ARID4B: variants seen among roughly 807,000 people sequenced by gnomAD.
The protein encoded by ARID4B is AT-rich interactive domain-containing protein 4B.
In ARID4B, 26 loss-of-function variants were observed where a neutral mutation model predicts 147.5. The ratio of observed to expected loss-of-function variants is 0.18; its 90% CI spans 0.13 to 0.24. ARID4B has a LOEUF of 0.24. Among genes scored for constraint, ARID4B ranks in the 10% least tolerant of loss-of-function variants. The pLI, the probability that ARID4B is intolerant of heterozygous loss-of-function variation, is 1.00. For synonymous variants in ARID4B, 512 were observed against 507.9 expected (o/e 1.01, Z -0.11); for missense variants, 1,179 against 1,511.5 (o/e 0.78, Z 3.65).
chr1:235,306,950 G>C (rs1037167251), intron 2 of ARID4B, among the ~76,000 whole-genome samples: 7 of 152,112 alleles, frequency 4.6e-5, no homozygotes, highest in Non-Finnish European at 7.3e-5. Flanking sequence ...ATTAGACACT[G>C]TACCATGCCA....
In ARID4B at chr1:235,194,054, A is replaced by C. The variant is rs1011304300; in HGVS notation, c.2084T>G (p.Ile695Ser). 1 of 1,612,314 alleles carries C rather than the reference A, an allele frequency of 6.2e-7. No homozygotes were observed. Among genetic ancestry groups the C allele is most frequent in the Non-Finnish European group, 8.5e-7 (1 of 1,178,430 alleles). Residue 695 changes from isoleucine to serine, a missense_variant, in exon 19 of 24, where the codon ATT becomes AGT. Physicochemically the swap from Ile to Ser is moderately radical, Grantham distance 142. This residue lies in a region of ARID4B where 321 missense variants were observed against 342.4 expected (regional missense o/e 0.94). Transcript: ENST00000264183. ...TDAKNSDTAH[I>S]KSIEITSILN... ...GATCGAAGTAATTTCTATGGACTTA[A>C]TATGAGCAGTATCAGAGTTTTTGGC...
intron 3 of ARID4B, among the ~76,000 whole-genome samples, chr1:235,258,460 T>A (rs1272360393): frequency 6.6e-6 from 1 of 152,144 alleles, no homozygotes; most frequent in African/African-American, 2.4e-5. Flanking sequence ...GTGCTCTATA[T>A]CATTACAGAA....
intron 2 of ARID4B, among the ~76,000 whole-genome samples, chr1:235,324,451 A>G (rs1349270711): frequency 6.6e-6 from 1 of 152,212 alleles, no homozygotes; most frequent in East Asian, 1.9e-4. Context: ...ACTTTAAAAC[A>G]ACACCTAAAA....
At chr1:235,187,092 T>TC (rs1664742628) in intron 19 of ARID4B, 1 of 392,894 alleles carries the variant, frequency 2.5e-6, no homozygotes, top group African/African-American at 2.2e-5. Context: ...TTTTTTTTTT[T>TC]TTTTTGTAGA....
chr1:235,215,547 A>ATGTGTGTGTGTGTGTGTGTG (rs370429662), intron 16 of ARID4B, among the ~76,000 whole-genome samples: 32 of 136,492 alleles, frequency 2.3e-4, no homozygotes, highest in South Asian at 5.1e-4. Flanking sequence ...ACACATATAT[A>ATGTGTGTGTGTGTGTGTGTG]TGTGTGTGTG....
At position 235,213,846 on chromosome 1, in the gene ARID4B, A is replaced by G. The variant is rs749223203; in HGVS notation, c.1764T>C (p.Tyr588=). Residue 588 remains tyrosine, a synonymous_variant, in exon 17 of 24, where the codon TAT becomes TAC. Coordinates refer to ENST00000264183, the MANE Select transcript of ARID4B (RefSeq NM_016374.6). The part of the protein sequence containing the change: ...RYGRGKNQKM[Y]EASIKDSDVE... The stretch of plus-strand genomic sequence containing the variant: ...CATCAGAATCTTTAATACTAGCTTC[A>G]TACATTTTTTGATTTTTCCCTCGTC... 2 of 1,614,112 alleles carry G rather than the reference A, an allele frequency of 1.2e-6. No homozygotes were observed. Among genetic ancestry groups the G allele is most frequent in the Non-Finnish European group, 8.5e-7 (1 of 1,180,008 alleles).
In ARID4B at chr1:235,304,364, A is replaced by T. The variant is rs1673399756; in HGVS notation, c.6+22550T>A. Reference sequence around the variant, plus strand: ...CCCTGTCCCGAAAATAAAAAAAAAGAAAAGAAATGACAACATTAACTTCAA... The same window carrying T: ...CCCTGTCCCGAAAATAAAAAAAAAGTAAAGAAATGACAACATTAACTTCAA... On this transcript the variant is annotated intron_variant, in intron 2 of 23. Transcript: ENST00000264183. Among the ~76,000 whole-genome samples, 3 of 151,558 alleles carry T rather than the reference A, an allele frequency of 2.0e-5. No homozygotes were observed. In the South Asian group the frequency reaches 6.3e-4, roughly 32 times the overall value.
At chr1:235,240,568 T>A (rs1312695810) in intron 7 of ARID4B, 117 bp from the exon 8 acceptor site, 1 of 915,246 alleles carries the variant, frequency 1.1e-6, no homozygotes, top group Non-Finnish European at 1.7e-6. Flanking sequence ...GTAAAATGGC[T>A]AATTTAAATC....
intron 6 of ARID4B, among the ~76,000 whole-genome samples, chr1:235,249,572 G>A (rs1669510484): frequency 6.6e-6 from 1 of 151,254 alleles, no homozygotes; most frequent in Admixed American, 6.6e-5. Context: ...AAGGCAGGCA[G>A]ATCATGAGGT....
In ARID4B at chr1:235,182,102, C is replaced by T. The variant is rs1302708754; in HGVS notation, c.2817G>A (p.Thr939=). 5 of 1,614,146 alleles carry T rather than the reference C, an allele frequency of 3.1e-6. No homozygotes were observed. In the East Asian group the frequency reaches 8.9e-5, roughly 29 times the overall value. ...CAGAGTCTGAAAAAAGCTCTTTCAGCGTTTTTTTAGGCCACTGTCCCTGAA... is the reference window on the plus strand; with the variant it reads ...CAGAGTCTGAAAAAAGCTCTTTCAGTGTTTTTTTAGGCCACTGTCCCTGAA... ...SSIQGQWPKK[T]LKELFSDSDT... is the part of the protein sequence containing the mutation. The change falls in exon 20 of 24, where the codon ACG becomes ACA. Residue 939 remains threonine (T), a synonymous_variant. Transcript: ENST00000264183.
chr1:235,250,090 G>A (rs1020832549), intron 6 of ARID4B, among the ~76,000 whole-genome samples: 1 of 152,008 alleles, frequency 6.6e-6, no homozygotes, highest in Middle Eastern at 3.2e-3. Flanking sequence ...CTGGGCAACA[G>A]AGCGAGACTC....
At chr1:235,236,493 TGTGTGTGTG>T (rs1400296362) in intron 8 of ARID4B, among the ~76,000 whole-genome samples, 139 of 772 alleles carry the variant, frequency 0.18, 1 homozygote, top group Non-Finnish European at 0.22. Context: ...ACAAAACAGT[TGTGTGTGTG>T]TGTGTGTGTG....
rs1572225756 is a variant in ARID4B at position 235,315,319 on chromosome 1, A to T, written c.6+11595T>A. Among the ~76,000 whole-genome samples, 5 of 152,200 alleles carry T rather than the reference A, an allele frequency of 3.3e-5. No homozygotes were observed. The East Asian group carries it at 9.6e-4, about 29-fold the overall frequency. ...GTGTGCATTATTTGTAGTCTCAGCT[A>T]CTTGGGTGACTGAGGTAGGAAGATC... On this transcript the variant is annotated intron_variant, in intron 2 of 23. Coordinates refer to ENST00000264183, the MANE Select transcript of ARID4B (RefSeq NM_016374.6).
chr1:235,223,382 T>TATACACGTATATATATATATAC lies in ARID4B; in HGVS notation c.971-123_971-122insGTATATATATATATACGTGTAT, dbSNP rs71172272. On this transcript the variant is annotated intron_variant, in intron 12 of 23. Coordinates refer to ENST00000264183, the MANE Select transcript of ARID4B (RefSeq NM_016374.6). Reference sequence around the variant, plus strand: ...ATATATATACACGTATATATATATATACACGTATATATATGTGTGTGTATA... The same window carrying TATACACGTATATATATATATAC: ...ATATATATACACGTATATATATATATATACACGTATATATATATATACACACGTATATATATGTGTGTGTATA... 93 of 214,190 alleles carry TATACACGTATATATATATATAC rather than the reference T, an allele frequency of 4.3e-4. 3 individuals carry two copies. Among genetic ancestry groups the TATACACGTATATATATATATAC allele is most frequent in the African/African-American group, 2.0e-3 (77 of 38,232 alleles). 13.3% of individuals were successfully genotyped at this position (214,190 alleles called of 1,614,324 possible).
At chr1:235,286,441 C>CAG (rs1671977997) in intron 2 of ARID4B, among the ~76,000 whole-genome samples, 1 of 152,200 alleles carries the variant, frequency 6.6e-6, no homozygotes, top group African/African-American at 2.4e-5. Context: ...GTGGAGGAAT[C>CAG]TGTTAAACAG....
At chr1:235,263,229 A>G (rs968037469) in intron 2 of ARID4B, among the ~76,000 whole-genome samples, 5 of 152,272 alleles carry the variant, frequency 3.3e-5, no homozygotes, top group Non-Finnish European at 4.4e-5. Context: ...GAAACATAGA[A>G]GAGAACAATA....
At chr1:235,310,776 C>A (rs556865607) in intron 2 of ARID4B, among the ~76,000 whole-genome samples, 8 of 152,244 alleles carry the variant, frequency 5.3e-5, no homozygotes, top group Admixed American at 5.2e-4. Context: ...TTCAAGCAAT[C>A]CTCCCAGCCT....
At chr1:235,228,340 G>GGAT (rs1487939176) in intron 11 of ARID4B, 1 of 138,216 alleles carries the variant, frequency 7.2e-6, no homozygotes, top group Non-Finnish European at 1.5e-5. Flanking sequence ...CTGTCACCCA[G>GGAT]GATGTAGGGC....
intron 2 of ARID4B, among the ~76,000 whole-genome samples, chr1:235,288,851 A>C (rs749747930): frequency 9.9e-5 from 15 of 152,222 alleles, no homozygotes; most frequent in Non-Finnish European, 1.9e-4. Context: ...TGAAAAAAGA[A>C]GACTCTTAGT....
Sources: allele counts gnomAD v4.1 joint callset (sites outside exome capture counted in the v4.1 genomes callset), GRCh38; gene constraint gnomAD v4.1.1; regional missense constraint gnomAD v4.1.1; transcripts MANE v1.5; gene names NCBI Gene and HGNC (gene_info 2026-07-23, HGNC 2026-07-21).